AK7: variants seen among roughly 807,000 people sequenced by gnomAD.
AK7 encodes the protein adenylate kinase 7.
AK7 carries 78 observed loss-of-function variants against 96.6 expected under a neutral mutation model. The ratio of observed to expected loss-of-function variants is 0.81; its 90% CI spans 0.67 to 0.97. AK7 has a LOEUF of 0.97. AK7 is among the 50% of genes least tolerant of loss of function. The probability of loss-of-function intolerance (pLI) is 0.00; values close to 1 mark genes in which losing one functional copy is unlikely to be tolerated. For synonymous variants in AK7, 302 were observed against 317.2 expected (o/e 0.95, Z 0.51); for missense variants, 855 against 887.9 (o/e 0.96, Z 0.47).
rs1231915727 is a variant in AK7, at chr14:96,465,334, G to C, written c.1358-6144G>C. Among the ~76,000 whole-genome samples, 4 of 152,128 alleles carry C rather than the reference G, an allele frequency of 2.6e-5. No homozygotes were observed. The East Asian group carries it at 7.8e-4, about 29-fold the overall frequency. ...AAATATTAGCCGGGCGTGGTGGCGG[G>C]TGCCTGTAGTCCCAGCTACTCAGGA... On this transcript the variant is annotated intron_variant, in intron 12 of 17. Transcript: ENST00000267584.
chr14:96,441,816 C>T (rs1372855293), intron 6 of AK7, among the ~76,000 whole-genome samples: 1 of 151,968 alleles, frequency 6.6e-6, no homozygotes, highest in African/African-American at 2.4e-5. Flanking sequence ...AGTCAGCCTC[C>T]TCAATGTCTC....
Position 96,394,777 on chromosome 14 carries a change from A to G in AK7, c.105+2518A>G, listed in dbSNP as rs371047338. On this transcript the variant is annotated intron_variant, in intron 1 of 17. Transcript: ENST00000267584. ...GATCACTTGAGGTCAGGAGTTCGAG[A>G]CTAGCCTGGCCAACATAGCAAAATC... 1.1e-4 allele frequency among the ~76,000 whole-genome samples: 16 copies of G among 152,350 alleles called. No homozygotes were observed. In the East Asian group the frequency reaches 2.1e-3, roughly 20 times the overall value.
chr14:96,413,690 C>T (rs1192212756), intron 4 of AK7, among the ~76,000 whole-genome samples: 1 of 152,186 alleles, frequency 6.6e-6, no homozygotes, highest in Non-Finnish European at 1.5e-5. Flanking sequence ...ATTGAATATG[C>T]TGTTTCTTTC....
At chr14:96,407,510 A>G (rs1473650475) in intron 3 of AK7, among the ~76,000 whole-genome samples, 1 of 151,190 alleles carries the variant, frequency 6.6e-6, no homozygotes, top group East Asian at 1.9e-4. Context: ...TGGCAGCTGC[A>G]TTACTTAGCC....
chr14:96,435,591 G>A (rs1465467715), intron 5 of AK7, among the ~76,000 whole-genome samples: 5 of 152,148 alleles, frequency 3.3e-5, no homozygotes, highest in East Asian at 3.9e-4. Flanking sequence ...TCTGGGCCTC[G>A]CTCAGCACTG....
chr14:96,467,323 T>C (rs1314719714), intron 12 of AK7, among the ~76,000 whole-genome samples: 1 of 143,406 alleles, frequency 7.0e-6, no homozygotes, highest in East Asian at 2.0e-4. Flanking sequence ...AGCCATCTTT[T>C]GCTGCTGCTT....
intron 5 of AK7, among the ~76,000 whole-genome samples, chr14:96,431,216 G>T (rs2140067389): frequency 6.6e-6 from 1 of 152,152 alleles, no homozygotes; most frequent in South Asian, 2.1e-4. Context: ...CCAGATCCTG[G>T]ATTCACTGAT....
chr14:96,424,044 A>G (rs1891870707), intron 5 of AK7: 2 of 739,640 alleles, frequency 2.7e-6, no homozygotes, highest in Non-Finnish European at 5.0e-6. Context: ...TCCCTAAATC[A>G]AGACCATCCC....
At chr14:96,411,832 G>A (rs1175613160) in intron 4 of AK7, among the ~76,000 whole-genome samples, 4 of 152,206 alleles carry the variant, frequency 2.6e-5, no homozygotes, top group Non-Finnish European at 4.4e-5. Context: ...TTGCTTGCAA[G>A]CAACAGAATC....
At chr14:96,419,784 C>CTTTCTT (rs1891563684) in intron 4 of AK7, among the ~76,000 whole-genome samples, 10 of 101,694 alleles carry the variant, frequency 9.8e-5, no homozygotes, top group African/African-American at 4.3e-4. Flanking sequence ...TTTTTTCTTT[C>CTTTCTT]TTTTCTTTTT....
chr14:96,478,575 G>A lies in AK7; in HGVS notation c.1666G>A (p.Ala556Thr). 1 of 1,614,124 alleles carries A rather than the reference G, an allele frequency of 6.2e-7. No individual in the cohort carries two copies. The highest frequency in any genetic ancestry group is 8.5e-7 in the Non-Finnish European group (1 of 1,180,010). Residue 556 changes from alanine (A) to threonine (T), a missense_variant, in exon 15 of 18, where the codon GCT becomes ACT. Coordinates refer to ENST00000267584, the MANE Select transcript of AK7 (RefSeq NM_152327.5). ...THYSQDRFLR[A>T]LSNYRDINID... ...CTACAGCCAAGACCGATTCCTCCGG[G>A]CTCTGAGCAACTACCGGGACATCAA...
intron 5 of AK7, among the ~76,000 whole-genome samples, chr14:96,434,392 T>C (rs1474260556): frequency 6.6e-6 from 1 of 151,312 alleles, no homozygotes; most frequent in Non-Finnish European, 1.5e-5. Flanking sequence ...CCCTTACATC[T>C]CTCCAAATAT....
chr14:96,424,613 C>A (rs1171449840), intron 5 of AK7, among the ~76,000 whole-genome samples: 2 of 152,020 alleles, frequency 1.3e-5, no homozygotes, highest in African/African-American at 4.8e-5. Flanking sequence ...AGGATATTAC[C>A]ATAGGAACTT....
intron 3 of AK7, among the ~76,000 whole-genome samples, chr14:96,407,592 T>C (rs1403612862): frequency 2.7e-5 from 4 of 147,308 alleles, no homozygotes; most frequent in South Asian, 2.2e-4. Flanking sequence ...TTTTTTTTTT[T>C]TTTTTTTGAG....
intron 5 of AK7, among the ~76,000 whole-genome samples, chr14:96,427,903 T>C (rs1435610182): frequency 1.3e-5 from 2 of 152,168 alleles, no homozygotes; most frequent in Admixed American, 6.6e-5. Context: ...CACATATATA[T>C]GAAGATAAAA....
At chr14:96,472,238 T>G (rs1044981215) in intron 13 of AK7, among the ~76,000 whole-genome samples, 2 of 152,214 alleles carry the variant, frequency 1.3e-5, no homozygotes, top group Non-Finnish European at 2.9e-5. Flanking sequence ...CATAGTTTAC[T>G]GCAGCCTTGA....
chr14:96,412,863 A>G (rs985515777), intron 4 of AK7, among the ~76,000 whole-genome samples: 2 of 152,170 alleles, frequency 1.3e-5, no homozygotes, highest in Non-Finnish European at 2.9e-5. Context: ...CACTGCTCCC[A>G]GCTACACAGG....
Position 96,415,785 on chromosome 14 carries a change from A to C in AK7, c.499-5037A>C, listed in dbSNP as rs142526793. On this transcript the variant is annotated intron_variant, in intron 4 of 17. Transcript: ENST00000267584. Reference sequence around the variant, plus strand: ...TACATTAATTAATTAAATTAATTTAATACATTAATTAATTAAATTAATTTA... The same window carrying C: ...TACATTAATTAATTAAATTAATTTACTACATTAATTAATTAAATTAATTTA... Among the ~76,000 whole-genome samples, 3 of 149,476 alleles carry C rather than the reference A, an allele frequency of 2.0e-5. 1 individual carries two copies. Among genetic ancestry groups the C allele is most frequent in the South Asian group, 4.2e-4 (2 of 4,810 alleles).
chr14:96,406,318 G>T (rs1890709122), intron 3 of AK7, among the ~76,000 whole-genome samples: 1 of 152,152 alleles, frequency 6.6e-6, no homozygotes, highest in Admixed American at 6.5e-5. Context: ...ATGGGCATTG[G>T]CCTTTCTTAG....
Sources: allele counts gnomAD v4.1 joint callset (sites outside exome capture counted in the v4.1 genomes callset), GRCh38; gene constraint gnomAD v4.1.1; transcripts MANE v1.5; gene names NCBI Gene and HGNC (gene_info 2026-07-23, HGNC 2026-07-21).